The following TBC1D5 variants were observed in gnomAD, a reference collection of about 807,000 sequenced individuals.
The protein encoded by TBC1D5 is TBC1 domain family, member 5.
In TBC1D5, 75 loss-of-function variants were observed where a neutral mutation model predicts 100.3. That is an observed-to-expected ratio of 0.75 (90% CI 0.62 to 0.91). The LOEUF (loss-of-function observed/expected upper bound fraction) is 0.91, where lower values mean the gene tolerates loss of function less well. Ranked by LOEUF, TBC1D5 falls within the 40% of genes least tolerant of loss-of-function variation. TBC1D5 has a pLI of 0.00. For missense variants in TBC1D5, 910 were observed against 942.4 expected (o/e 0.97, Z 0.45); for synonymous variants, 323 against 325.6 (o/e 0.99, Z 0.09).
intron 13 of TBC1D5, among the ~76,000 whole-genome samples, chr3:17,362,474 G>A (rs571548190): frequency 9.9e-5 from 15 of 151,718 alleles, no homozygotes; most frequent in African/African-American, 3.6e-4. Flanking sequence ...TGTAAGACAC[G>A]TAGACTGACT....
At chr3:17,485,471 C>T (rs1488308797) in intron 3 of TBC1D5, among the ~76,000 whole-genome samples, 2 of 148,814 alleles carry the variant, frequency 1.3e-5, no homozygotes, top group Non-Finnish European at 3.0e-5. Flanking sequence ...TCTCCTAATG[C>T]TATCCCTCCC....
chr3:17,726,299 C>T (rs966882768), intron 1 of TBC1D5, among the ~76,000 whole-genome samples: 4 of 152,226 alleles, frequency 2.6e-5, no homozygotes, highest in African/African-American at 7.2e-5. Context: ...TACTTTTCCA[C>T]AATGGCTAAA....
chr3:17,371,962 A>AG (rs1333753304), intron 13 of TBC1D5, 113 bp downstream of exon 13: 1 of 1,004,148 alleles, frequency 1.0e-6, no homozygotes, highest in Non-Finnish European at 1.3e-6. Flanking sequence ...GCTTGAGCCC[A>AG]GGGGGCAGAG....
intron 18 of TBC1D5, among the ~76,000 whole-genome samples, chr3:17,186,746 TAAAAA>T (rs1302354970): frequency 8.4e-5 from 7 of 83,112 alleles, no homozygotes; most frequent in Non-Finnish European, 1.8e-4. Flanking sequence ...AAAAAAAAAT[TAAAAA>T]AAGAAAAGAA....
chr3:17,446,719 C>G (rs1419881555), intron 3 of TBC1D5, among the ~76,000 whole-genome samples: 1 of 152,158 alleles, frequency 6.6e-6, no homozygotes, highest in East Asian at 1.9e-4. Context: ...CGCCTGTAAT[C>G]CCAGCACTTT....
intron 2 of TBC1D5, among the ~76,000 whole-genome samples, chr3:17,523,483 A>G (rs186103661): frequency 6.6e-6 from 1 of 152,254 alleles, no homozygotes; most frequent in African/African-American, 2.4e-5. Context: ...GGAGAAGGGA[A>G]TATCTAGGAC....
chr3:17,670,333 A>T (rs182376965), intron 1 of TBC1D5, among the ~76,000 whole-genome samples: 56 of 152,388 alleles, frequency 3.7e-4, no homozygotes. Context: ...GATTCCAAAC[A>T]TAAAGCATGC....
chr3:17,512,687 TCCTTC>T (rs1272397943), intron 2 of TBC1D5, among the ~76,000 whole-genome samples: 1 of 152,198 alleles, frequency 6.6e-6, no homozygotes, highest in Non-Finnish European at 1.5e-5. Context: ...AAAGGCCCTA[TCCTTC>T]CTTTGTTACA....
chr3:17,579,997 A>G (rs1283154807), intron 2 of TBC1D5, among the ~76,000 whole-genome samples: 1 of 152,156 alleles, frequency 6.6e-6, no homozygotes, highest in Non-Finnish European at 1.5e-5. Flanking sequence ...TATGAATCAT[A>G]AAGAACAATA....
At chr3:17,340,039 C>T (rs2088616110) in intron 13 of TBC1D5, among the ~76,000 whole-genome samples, 1 of 152,030 alleles carries the variant, frequency 6.6e-6, no homozygotes, top group East Asian at 1.9e-4. Flanking sequence ...GCAAATTTGC[C>T]AGTTTTTCTT....
intron 19 of TBC1D5, 190 bp downstream of exon 20, chr3:17,184,919 C>T: frequency 2.6e-6 from 1 of 379,230 alleles, no homozygotes; most frequent in Non-Finnish European, 4.8e-6. Flanking sequence ...CTTAATCCCT[C>T]TATGCCTTGG....
Position 17,675,933 on chromosome 3 carries a change from T to C in TBC1D5, c.-100-52020A>G, listed in dbSNP as rs189395484. Reference sequence around the variant, plus strand: ...TGCCCCTTACTATATGATATTGTTATACTCTCCTTAACACGTAAAACTATC... The same window carrying C: ...TGCCCCTTACTATATGATATTGTTACACTCTCCTTAACACGTAAAACTATC... On this transcript the variant is annotated intron_variant, in intron 1 of 21. Transcript: ENST00000253692. Among the ~76,000 whole-genome samples, 346 of 152,266 alleles carry C rather than the reference T, an allele frequency of 2.3e-3. 3 individuals are homozygous for C. The highest frequency in any genetic ancestry group is 3.4e-3 in the Middle Eastern group (1 of 294).
chr3:17,270,400 A>T (rs895317951), intron 15 of TBC1D5, among the ~76,000 whole-genome samples: 1 of 152,106 alleles, frequency 6.6e-6, no homozygotes, highest in Non-Finnish European at 1.5e-5. Context: ...CTCTGCTATC[A>T]GTCCCGCAGC....
intron 1 of TBC1D5, among the ~76,000 whole-genome samples, chr3:17,682,675 T>C (rs890240399): frequency 4.6e-5 from 7 of 151,600 alleles, no homozygotes; most frequent in African/African-American, 1.7e-4. Flanking sequence ...TGTCGTTACA[T>C]ATTACAGTAT....
At chr3:17,578,389 A>T (rs775468625) in intron 2 of TBC1D5, among the ~76,000 whole-genome samples, 1 of 152,002 alleles carries the variant, frequency 6.6e-6, no homozygotes, top group East Asian at 1.9e-4. Flanking sequence ...AAATCCAAAA[A>T]ATACAGGTTT....
chr3:17,234,877 C>T (rs144721470), intron 17 of TBC1D5, among the ~76,000 whole-genome samples: 37 of 152,222 alleles, frequency 2.4e-4, no homozygotes, highest in Middle Eastern at 3.4e-3. Context: ...CCATCATCAT[C>T]AATTAACAGT....
In TBC1D5 at chr3:17,685,070, T is replaced by C. The variant is rs186619128; in HGVS notation, c.-101+54273A>G. On this transcript the variant is annotated intron_variant, in intron 1 of 21. Coordinates refer to ENST00000253692, the Ensembl canonical transcript of TBC1D5. ...ATGTTCAATCACTGTTTATAAATGA[T>C]AGGCTATATCATTAATTTGTAAGTG... Among the ~76,000 whole-genome samples, 144 of 152,182 alleles carry C rather than the reference T, an allele frequency of 9.5e-4. 1 individual carries two copies. Among genetic ancestry groups the C allele is most frequent in the Non-Finnish European group, 5.4e-4 (37 of 67,900 alleles).
At chr3:17,563,291 A>T (rs1265099622) in intron 2 of TBC1D5, among the ~76,000 whole-genome samples, 1 of 152,212 alleles carries the variant, frequency 6.6e-6, no homozygotes, top group Non-Finnish European at 1.5e-5. Flanking sequence ...GCGGGCCTGG[A>T]GGTCATAACA....
Position 17,228,841 on chromosome 3 carries a change from C to T in TBC1D5, c.1588+9322G>A, listed in dbSNP as rs150870773. Among the ~76,000 whole-genome samples, 28 of 152,116 alleles carry T rather than the reference C, an allele frequency of 1.8e-4. 2 individuals carry two copies. The East Asian group carries it at 5.0e-3, about 27-fold the overall frequency. ...CCTGTGTGCTCTATGTCATTGGAGG[C>T]AACTTGTCAAGAGCCTAAAATGACT... is the stretch of plus-strand genomic sequence containing the variant. On this transcript the variant is annotated intron_variant, in intron 17 of 21. Transcript: ENST00000253692.
Sources: allele counts gnomAD v4.1 joint callset (sites outside exome capture counted in the v4.1 genomes callset), GRCh38; gene constraint gnomAD v4.1.1; transcripts MANE v1.5; gene names NCBI Gene and HGNC (gene_info 2026-07-23, HGNC 2026-07-21).